ARHGAP24: variants seen among roughly 807,000 people sequenced by gnomAD.
The protein encoded by ARHGAP24 is Rho GTPase activating protein 24.
Under a neutral mutation model 76.4 loss-of-function variants are expected in ARHGAP24, and 50 were observed. That is an observed-to-expected ratio of 0.65 (90% CI 0.52 to 0.83). The LOEUF (loss-of-function observed/expected upper bound fraction) is 0.83. Ranked by LOEUF, ARHGAP24 falls within the 40% of genes least tolerant of loss-of-function variation. The pLI is 0.00. For missense variants in ARHGAP24, 930 were observed against 914.2 expected, an observed-to-expected ratio of 1.02 and a Z score of -0.22; for synonymous variants, 345 against 323.3, an observed-to-expected ratio of 1.07 and a Z score of -0.72.
intron 3 of ARHGAP24, among the ~76,000 whole-genome samples, chr4:85,874,911 T>C (rs1322263094): frequency 1.1e-5 from 1 of 90,684 alleles, no homozygotes; most frequent in Non-Finnish European, 2.0e-5. Flanking sequence ...AATTTATATA[T>C]AAATATATTT....
chr4:85,811,955 C>A (rs183362390), intron 3 of ARHGAP24, among the ~76,000 whole-genome samples: 1 of 152,228 alleles, frequency 6.6e-6, no homozygotes, highest in Admixed American at 6.5e-5. Flanking sequence ...GTAGGTGGAT[C>A]ACCTAAGGTC....
intron 2 of ARHGAP24, among the ~76,000 whole-genome samples, chr4:85,593,205 T>C (rs1728188581): frequency 6.6e-6 from 1 of 152,184 alleles, no homozygotes; most frequent in Non-Finnish European, 1.5e-5. Flanking sequence ...TGATGATCAA[T>C]GATGTTGAGC....
At chr4:85,938,104 G>A (rs114132830) in intron 4 of ARHGAP24, among the ~76,000 whole-genome samples, 87 of 152,218 alleles carry the variant, frequency 5.7e-4, no homozygotes, top group African/African-American at 2.0e-3. Context: ...TCTTGTGTGC[G>A]CCACTGGAAA....
At chr4:85,483,791 G>A (rs903155852) in intron 1 of ARHGAP24, among the ~76,000 whole-genome samples, 1 of 152,024 alleles carries the variant, frequency 6.6e-6, no homozygotes, top group East Asian at 1.9e-4. Flanking sequence ...CTTTAAGGGT[G>A]CAATTCTCAA....
At chr4:85,587,310 T>G (rs1178090352) in intron 2 of ARHGAP24, among the ~76,000 whole-genome samples, 2 of 152,212 alleles carry the variant, frequency 1.3e-5, no homozygotes, top group Non-Finnish European at 2.9e-5. Flanking sequence ...GCCATTACAG[T>G]ACTGTCTGAA....
At chr4:85,665,160 T>C (rs2109996101) in intron 2 of ARHGAP24, among the ~76,000 whole-genome samples, 1 of 152,300 alleles carries the variant, frequency 6.6e-6, no homozygotes, top group East Asian at 1.9e-4. Context: ...AGTTTCTTTG[T>C]AGGTCACTAA....
At chr4:85,728,400 TTATCTC>T in intron 3 of ARHGAP24, among the ~76,000 whole-genome samples, 1 of 152,262 alleles carries the variant, frequency 6.6e-6, no homozygotes, top group African/African-American at 2.4e-5. Flanking sequence ...CTCTCACTCT[TTATCTC>T]TATTTTAGCT....
Position 86,001,907 on chromosome 4 carries a change from A to G in ARHGAP24, c.*1185A>G, listed in dbSNP as rs28473613. 0.023 allele frequency: 3,564 copies of G among 153,030 alleles called. 148 individuals carry two copies. The highest frequency in any genetic ancestry group is 0.081 in the African/African-American group (3,362 of 41,604). The allele number at this position is 153,030 out of a possible 1,614,324, so 9.5% of individuals were successfully genotyped here. A position where few individuals can be genotyped will look rare whatever the true frequency, so the allele number is the denominator to read the frequency against. On this transcript the variant is annotated 3_prime_UTR_variant, in exon 10 of 10. Coordinates refer to ENST00000395184, the MANE Select transcript of ARHGAP24 (RefSeq NM_001025616.3). Reference sequence around the variant, plus strand: ...GAAGAAACAAACCATTTTGCTTCTAATTTTGACAGTATCACTTTCCTGTTA... The same window carrying G: ...GAAGAAACAAACCATTTTGCTTCTAGTTTTGACAGTATCACTTTCCTGTTA...
intron 2 of ARHGAP24, among the ~76,000 whole-genome samples, chr4:85,612,608 T>C (rs994890584): frequency 6.6e-6 from 1 of 152,092 alleles, no homozygotes; most frequent in African/African-American, 2.4e-5. Context: ...TAGTTTTAAT[T>C]ATGAAATGTT....
chr4:85,896,421 T>C (rs1734182629), intron 3 of ARHGAP24, among the ~76,000 whole-genome samples: 4 of 152,220 alleles, frequency 2.6e-5, no homozygotes. Flanking sequence ...TTTTAAACCT[T>C]TTCTGCAATC....
chr4:85,798,686 T>C (rs1464137616), intron 3 of ARHGAP24, among the ~76,000 whole-genome samples: 2 of 152,236 alleles, frequency 1.3e-5, no homozygotes, highest in Non-Finnish European at 2.9e-5. Context: ...ACAGAATAAA[T>C]TTTTGTACTA....
chr4:85,502,738 C>T (rs1441728682), intron 1 of ARHGAP24, among the ~76,000 whole-genome samples: 1 of 152,128 alleles, frequency 6.6e-6, no homozygotes. Flanking sequence ...TTGCCCTGGC[C>T]AGAACTTCCA....
intron 1 of ARHGAP24, among the ~76,000 whole-genome samples, chr4:85,481,758 A>G (rs1327967309): frequency 6.6e-6 from 1 of 152,234 alleles, no homozygotes; most frequent in African/African-American, 2.4e-5. Flanking sequence ...AGTGGTCCCC[A>G]GTTTAAGAAT....
intron 2 of ARHGAP24, among the ~76,000 whole-genome samples, chr4:85,685,643 A>AAAAAGAAAAGAAAAGAAAAG (rs1560585062): frequency 3.3e-5 from 5 of 150,096 alleles, no homozygotes; most frequent in African/African-American, 1.3e-4. Flanking sequence ...AAAAAAAAAA[A>AAAAAGAAAAGAAAAGAAAAG]AAAAGAAAAG....
chr4:85,911,531 T>G (rs1037311707), intron 3 of ARHGAP24, among the ~76,000 whole-genome samples: 1 of 152,260 alleles, frequency 6.6e-6, no homozygotes, highest in Admixed American at 6.5e-5. Flanking sequence ...TGGGTGACTT[T>G]TAAAAGTTTT....
At chr4:85,943,049 T>C (rs1402888260) in intron 5 of ARHGAP24, among the ~76,000 whole-genome samples, 1 of 152,206 alleles carries the variant, frequency 6.6e-6, no homozygotes, top group Non-Finnish European at 1.5e-5. Flanking sequence ...AATATTTCAC[T>C]CTACAGGTAT....
intron 3 of ARHGAP24, among the ~76,000 whole-genome samples, chr4:85,763,233 C>T (rs1726800763): frequency 6.6e-6 from 1 of 152,136 alleles, no homozygotes. Context: ...GCTAAGGTGA[C>T]TAGGCCATTT....
chr4:85,994,642 C>A lies in ARHGAP24; in HGVS notation c.988C>A (p.Pro330Thr), dbSNP rs1434575301. The change falls in exon 9 of 10, where the codon CCC becomes ACC. Residue 330 changes from proline to threonine, a missense_variant. Physicochemically the swap from Pro to Thr is conservative, Grantham distance 38. Coordinates refer to ENST00000395184, the MANE Select transcript of ARHGAP24 (RefSeq NM_001025616.3). ...GATTAGCAAACATGATTGCCTCTTTCCCAAAGATGCAGAACTACAAAGCAA... is the reference window on the plus strand; with the variant it reads ...GATTAGCAAACATGATTGCCTCTTTACCAAAGATGCAGAACTACAAAGCAA... ...VMISKHDCLF[P>T]KDAELQSKPQ... is the part of the protein sequence containing the mutation. 1 of 1,614,174 alleles carries A rather than the reference C, an allele frequency of 6.2e-7. No homozygotes were observed. Among genetic ancestry groups the A allele is most frequent in the Non-Finnish European group, 8.5e-7 (1 of 1,180,026 alleles).
intron 2 of ARHGAP24, among the ~76,000 whole-genome samples, chr4:85,668,098 G>A (rs78108198): frequency 0.029 from 4,459 of 152,256 alleles, 202 homozygotes; most frequent in African/African-American, 0.1. Context: ...CTTCAGTTTA[G>A]TGGCACTTTT....
Sources: allele counts gnomAD v4.1 joint callset (sites outside exome capture counted in the v4.1 genomes callset), GRCh38; gene constraint gnomAD v4.1.1; transcripts MANE v1.5; gene names NCBI Gene and HGNC (gene_info 2026-07-23, HGNC 2026-07-21).